C1orf167: variants seen among roughly 807,000 people sequenced by gnomAD.
C1orf167 encodes uncharacterized protein C1orf167.
Under a neutral mutation model 176.5 loss-of-function variants are expected in C1orf167, and 153 were observed. The ratio of observed to expected loss-of-function variants is 0.87; its 90% CI spans 0.76 to 0.99. C1orf167 has a LOEUF of 0.99. Among genes scored for constraint, C1orf167 ranks in the 50% least tolerant of loss-of-function variants. The pLI, the probability that C1orf167 is intolerant of heterozygous loss-of-function variation, is 0.00. For synonymous variants in C1orf167, 594 were observed against 752.7 expected, an observed-to-expected ratio of 0.79 and a Z score of 3.45; for missense variants, 1,490 against 1,817.7, an observed-to-expected ratio of 0.82 and a Z score of 3.28.
chr1:11,770,449 C>CTT lies in C1orf167; in HGVS notation c.1698-1063_1698-1062dup, dbSNP rs35237748. 3.6e-3 allele frequency among the ~76,000 whole-genome samples: 519 copies of CTT among 142,654 alleles called. 5 individuals carry two copies. The highest frequency in any genetic ancestry group is 0.01 in the African/African-American group (390 of 38,448). The allele number at this position is 142,654 out of a possible 152,430, so 93.6% of individuals were successfully genotyped here. ...TGGGATTAAAGTCGGTTATATTTTT[C>CTT]TTTTTTTTTTTTTCGAGTCAGAGTA... On this transcript the variant is annotated intron_variant, in intron 6 of 20. Transcript: ENST00000688073.
chr1:11,762,651 A>G (rs1642567555), intron 1 of C1orf167, among the ~76,000 whole-genome samples: 1 of 152,164 alleles, frequency 6.6e-6, no homozygotes, highest in African/African-American at 2.4e-5. Flanking sequence ...CATTTCTAAA[A>G]CAGGGAACCT....
At chr1:11,782,735 A>T (rs1031184411) in intron 14 of C1orf167, among the ~76,000 whole-genome samples, 7 of 152,126 alleles carry the variant, frequency 4.6e-5, no homozygotes, top group Non-Finnish European at 8.8e-5. Flanking sequence ...AGCCTGGCCA[A>T]CATGGTGAAA....
intron 7 of C1orf167, 150 bp downstream of exon 7, chr1:11,771,786 C>A: frequency 2.0e-6 from 1 of 503,478 alleles, no homozygotes; most frequent in Admixed American, 3.3e-5. Context: ...CTCATTTGAG[C>A]CTCACAGTGA....
In C1orf167 at chr1:11,788,004, A is replaced by G. The variant is rs750555459; in HGVS notation, c.3805A>G (p.Arg1269Gly). Reference sequence around the variant, plus strand: ...AAGAGCGCACTCCAGCCCTGAGCCCAGAGCCTGCAAAGCCCAAAGCAAGGC... The same window carrying G: ...AAGAGCGCACTCCAGCCCTGAGCCCGGAGCCTGCAAAGCCCAAAGCAAGGC... Reference protein sequence around the residue: ...GPRAHSSPEPRACKAQSKAHK... With the variant: ...GPRAHSSPEPGACKAQSKAHK... The change falls in exon 18 of 21, where the codon AGA becomes GGA. Residue 1269 changes from arginine (R) to glycine (G), a missense_variant. Transcript: ENST00000688073. The G allele has an allele frequency of 1.6e-5, 21 of 1,303,548 alleles. 1 individual carries two copies. In the Middle Eastern group the frequency reaches 2.6e-3, roughly 159 times the overall value. The allele number at this position is 1,303,548 out of a possible 1,614,324, so 80.7% of individuals were successfully genotyped here. A position where few individuals can be genotyped will look rare whatever the true frequency, so the allele number is the denominator to read the frequency against.
At chr1:11,788,843 G>C in intron 20 of C1orf167, 97 bp downstream of exon 20, 1 of 1,147,088 alleles carries the variant, frequency 8.7e-7, no homozygotes, top group Non-Finnish European at 1.2e-6. Context: ...AGCTTTCCCT[G>C]CTTGCCAGCC....
Position 11,775,475 on chromosome 1 carries a change from C to T in C1orf167, c.2029C>T (p.Arg677Trp), listed in dbSNP as rs79345318. 2.7e-5 allele frequency: 35 copies of T among 1,303,890 alleles called. No individual in the cohort carries two copies. Among genetic ancestry groups the T allele is most frequent in the Admixed American group, 1.6e-4 (7 of 43,518 alleles). The allele number at this position is 1,303,890 out of a possible 1,614,324, so 80.8% of individuals were successfully genotyped here. A position where few individuals can be genotyped will look rare whatever the true frequency, so the allele number is the denominator to read the frequency against. Residue 677 changes from arginine (R) to tryptophan (W), a missense_variant, in exon 9 of 21, where the codon CGG becomes TGG. Transcript: ENST00000688073. ...AWQQFVQRGSRYRDHLADRRT... is the reference protein window; with the variant it reads ...AWQQFVQRGSWYRDHLADRRT... ...GCAGCAGTTCGTGCAAAGAGGGTCC[C>T]GGTACCGAGACCACCTGGCTGACCG... is the stretch of plus-strand genomic sequence containing the variant.
At chr1:11,775,323 G>C (rs1367243394) in intron 8 of C1orf167, 112 bp from the exon 9 acceptor site, 9 of 767,818 alleles carry the variant, frequency 1.2e-5, no homozygotes, top group Non-Finnish European at 1.5e-5. Context: ...GGCTCAGAGA[G>C]ATGAAGTGGC....
Position 11,766,628 on chromosome 1 carries a change from A to G in C1orf167, c.842A>G (p.His281Arg), listed in dbSNP as rs1018076506. 2 of 1,285,528 alleles carry G rather than the reference A, an allele frequency of 1.6e-6. No individual in the cohort carries two copies. Among genetic ancestry groups the G allele is most frequent in the East Asian group, 1.1e-4 (2 of 17,992 alleles). 79.6% of individuals were successfully genotyped at this position (1,285,528 alleles called of 1,614,324 possible). A position where few individuals can be genotyped will look rare whatever the true frequency, so the allele number is the denominator to read the frequency against. ...WTGGGQPFSA[H>R]PQPSQPVLAS... ...GGCGGCGGCCAGCCATTCTCCGCCC[A>G]CCCCCAGCCCAGCCAGCCTGTCCTT... The change falls in exon 3 of 21, where the codon CAC (histidine) becomes CGC (arginine). Residue 281 changes from histidine to arginine, a missense_variant. Transcript: ENST00000688073. This position sits in a 1 kb window ranked among gnomAD's most constrained non-coding sequence, Gnocchi z 4.5.
chr1:11,776,486 A>G lies in C1orf167; in HGVS notation c.2187A>G (p.Ala729=), dbSNP rs1342641516. ...QKAGREAVYT[A]GPGACGLGAV... The stretch of plus-strand genomic sequence containing the variant: ...CAGGACGTGAGGCTGTCTACACCGC[A>G]GGCCCTGGAGCCTGTGGCCTGGGTG... Residue 729 remains alanine, a synonymous_variant, in exon 10 of 21, where the codon GCA becomes GCG. Coordinates refer to ENST00000688073, the MANE Select transcript of C1orf167 (RefSeq NM_001010881.2). 7.7e-7 allele frequency: 1 copy of G among 1,302,026 alleles called. No homozygotes were observed. The highest frequency in any genetic ancestry group is 2.3e-5 in the Admixed American group (1 of 43,104). 80.7% of individuals were successfully genotyped at this position (1,302,026 alleles called of 1,614,324 possible). A position where few individuals can be genotyped will look rare whatever the true frequency, so the allele number is the denominator to read the frequency against.
At position 11,768,305 on chromosome 1, in the gene C1orf167, C is replaced by A; in HGVS notation, c.1542+30C>A. On this transcript the variant is annotated intron_variant, in intron 5 of 20. Coordinates refer to ENST00000688073, the MANE Select transcript of C1orf167 (RefSeq NM_001010881.2). The surrounding 1 kb of genome is among the most constrained non-coding windows in gnomAD (Gnocchi z 4.5). ...GCGGTCTCCAGGTTGGGCCAGGGGG[C>A]CGTGTGAAGCAGTGGTGTGTCTGGG... 7.8e-7 allele frequency: 1 copy of A among 1,286,498 alleles called. No individual in the cohort carries two copies. Among genetic ancestry groups the A allele is most frequent in the Non-Finnish European group, 1.0e-6 (1 of 986,322 alleles). The allele number at this position is 1,286,498 out of a possible 1,614,324, so 79.7% of individuals were successfully genotyped here. A position where few individuals can be genotyped will look rare whatever the true frequency, so the allele number is the denominator to read the frequency against.
At chr1:11,784,888 G>A (rs1643775253) in intron 15 of C1orf167, among the ~76,000 whole-genome samples, 1 of 152,254 alleles carries the variant, frequency 6.6e-6, no homozygotes, top group South Asian at 2.1e-4. Flanking sequence ...CAGGGAAGGG[G>A]AGGCAAAGTG....
chr1:11,765,716 A>C, intron 2 of C1orf167, 141 bp from the exon 3 acceptor site: 1 of 786,950 alleles, frequency 1.3e-6, no homozygotes, highest in South Asian at 2.4e-5. Context: ...AGGGAGACAG[A>C]GCTGGCAGAA....
In C1orf167 at chr1:11,771,545, G is replaced by A. The variant is rs1426819589; in HGVS notation, c.1719G>A (p.Glu573=). Reference sequence around the variant, plus strand: ...TTAGTCCAGGAAGTCTGAGGGAGGAGGAGATTGCTCAGCGGCTTCTGTCAC... The same window carrying A: ...TTAGTCCAGGAAGTCTGAGGGAGGAAGAGATTGCTCAGCGGCTTCTGTCAC... The part of the protein sequence containing the change: ...EHTSPGSLRE[E]EIAQRLLSHP... Residue 573 remains glutamate (E), a synonymous_variant, in exon 7 of 21, where the codon GAG becomes GAA. Coordinates refer to ENST00000688073, the MANE Select transcript of C1orf167 (RefSeq NM_001010881.2). 4.7e-6 allele frequency: 6 copies of A among 1,289,612 alleles called. No homozygotes were observed. Among genetic ancestry groups the A allele is most frequent in the Non-Finnish European group, 6.1e-6 (6 of 988,842 alleles). 79.9% of individuals were successfully genotyped at this position (1,289,612 alleles called of 1,614,324 possible).
At chr1:11,776,290 T>C (rs753495316) in intron 9 of C1orf167, among the ~76,000 whole-genome samples, 174 bp from the exon 10 acceptor site, 1 of 151,924 alleles carries the variant, frequency 6.6e-6, no homozygotes, top group Non-Finnish European at 1.5e-5. Context: ...AAAAAAACAC[T>C]TAACTGGGGA....
chr1:11,788,435 C>A, intron 19 of C1orf167, 57 bp downstream of exon 19: 1 of 1,248,654 alleles, frequency 8.0e-7, no homozygotes, highest in Admixed American at 2.4e-5. Flanking sequence ...TCATACTTAA[C>A]CCAAACCCCT....
intron 16 of C1orf167, among the ~76,000 whole-genome samples, 182 bp downstream of exon 16, chr1:11,785,471 G>A: frequency 6.6e-6 from 1 of 152,198 alleles, no homozygotes; most frequent in East Asian, 1.9e-4. Flanking sequence ...GGTGGTGGCA[G>A]CATGGCTGGA....
At chr1:11,780,779 T>G (rs1331987677) in intron 13 of C1orf167, among the ~76,000 whole-genome samples, 2 of 151,930 alleles carry the variant, frequency 1.3e-5, no homozygotes, top group East Asian at 1.9e-4. Flanking sequence ...TGAGGAGGGC[T>G]CAGCGGGCAG....
At chr1:11,775,358 C>T in intron 8 of C1orf167, 77 bp from the exon 9 acceptor site, 1 of 1,139,720 alleles carries the variant, frequency 8.8e-7, no homozygotes, top group Non-Finnish European at 1.1e-6. Context: ...GGTAGTGTGT[C>T]TGGCAATGGC....
Position 11,768,390 on chromosome 1 carries a change from T to C in C1orf167, c.1542+115T>C. On this transcript the variant is annotated intron_variant, in intron 5 of 20. Transcript: ENST00000688073. The surrounding 1 kb of genome is among the most constrained non-coding windows in gnomAD (Gnocchi z 4.5). ...GGCATAGGTGGCACCTCATGAATGA[T>C]CAGCAGTAAAGGGTGTAGTTGTGAG... The C allele has an allele frequency of 1.1e-6, 1 of 939,110 alleles. No homozygotes were observed. The highest frequency in any genetic ancestry group is 1.7e-5 in the African/African-American group (1 of 58,716). The allele number at this position is 939,110 out of a possible 1,614,324, so 58.2% of individuals were successfully genotyped here.
Sources: allele counts gnomAD v4.1 joint callset (sites outside exome capture counted in the v4.1 genomes callset), GRCh38; gene constraint gnomAD v4.1.1; non-coding constraint Gnocchi (gnomAD v3.1); transcripts MANE v1.5; gene names NCBI Gene and HGNC (gene_info 2026-07-23, HGNC 2026-07-21).